Variants in EYA1 observed in about 807,000 individuals in gnomAD.
EYA1 encodes the protein protein phosphatase EYA1.
A neutral mutation model predicts 82.0 loss-of-function variants in EYA1; 16 were observed. The observed-to-expected ratio is 0.20, with a 90% CI of 0.13 to 0.30. EYA1 has a LOEUF of 0.30. EYA1 is among the 10% of genes least tolerant of loss of function. The pLI is 1.00. For missense variants in EYA1, 633 were observed against 730.7 expected, an observed-to-expected ratio of 0.87 and a Z score of 1.54; for synonymous variants, 261 against 264.4, an observed-to-expected ratio of 0.99 and a Z score of 0.12.
intron 3 of EYA1, among the ~76,000 whole-genome samples, chr8:71,340,400 T>G (rs1206442606): frequency 6.6e-6 from 1 of 152,202 alleles, no homozygotes; most frequent in Non-Finnish European, 1.5e-5. Flanking sequence ...TTATCCCCAT[T>G]TATAGATAAA....
intron 2 of EYA1, among the ~76,000 whole-genome samples, chr8:71,369,888 TTAA>T (rs1827982828): frequency 6.6e-6 from 1 of 152,124 alleles, no homozygotes; most frequent in Non-Finnish European, 1.5e-5. Flanking sequence ...TATAGGAACA[TTAA>T]TTTTATTTTA....
In EYA1 at chr8:71,321,775, G is replaced by T. The variant is rs375521116; in HGVS notation, c.377C>A (p.Thr126Lys). The T allele has an allele frequency of 1.9e-6, 3 of 1,614,122 alleles. No homozygotes were observed. Among genetic ancestry groups the T allele is most frequent in the Admixed American group, 3.3e-5 (2 of 60,006 alleles). The change falls in exon 6 of 18, where the codon ACG (threonine) becomes AAG (lysine). Residue 126 changes from threonine (T) to lysine (K), a missense_variant. Coordinates refer to ENST00000340726, the MANE Select transcript of EYA1 (RefSeq NM_000503.6). ...TGMQQATAYATYPQPGQPYGI... is the reference protein window; with the variant it reads ...TGMQQATAYAKYPQPGQPYGI... Reference sequence around the variant, plus strand: ...GTACGGCTGTCCTGGCTGTGGGTACGTGGCATAGGCTGTAGCTTGTTGCAT... The same window carrying T: ...GTACGGCTGTCCTGGCTGTGGGTACTTGGCATAGGCTGTAGCTTGTTGCAT...
intron 12 of EYA1, among the ~76,000 whole-genome samples, chr8:71,222,190 G>A (rs901668702): frequency 2.0e-5 from 3 of 152,110 alleles, no homozygotes; most frequent in African/African-American, 4.8e-5. Flanking sequence ...TAAGAATTGA[G>A]GTTGCTGCAG....
At chr8:71,352,052 T>C (rs542327223) in intron 3 of EYA1, among the ~76,000 whole-genome samples, 43 of 152,280 alleles carry the variant, frequency 2.8e-4, no homozygotes, top group Admixed American at 2.4e-3. Context: ...AAAATGTTCA[T>C]TGTAGAGTTA....
chr8:71,273,990 A>C (rs560940007), intron 9 of EYA1, among the ~76,000 whole-genome samples: 3 of 152,110 alleles, frequency 2.0e-5, no homozygotes, highest in Admixed American at 2.0e-4. Flanking sequence ...CACTTTAAAA[A>C]CTCAATCTTT....
At chr8:71,281,201 T>G (rs1226053486) in intron 9 of EYA1, among the ~76,000 whole-genome samples, 1 of 152,232 alleles carries the variant, frequency 6.6e-6, no homozygotes, top group Non-Finnish European at 1.5e-5. Flanking sequence ...TTTGCAGTTT[T>G]GGGAATGAAT....
At chr8:71,435,234 G>A (rs1184350930) in intron 2 of EYA1, among the ~76,000 whole-genome samples, 1 of 151,820 alleles carries the variant, frequency 6.6e-6, no homozygotes, top group African/African-American at 2.4e-5. Flanking sequence ...GCTGCCCCGT[G>A]GAATCTCTTA....
chr8:71,476,867 A>G (rs1410465138), intron 2 of EYA1, among the ~76,000 whole-genome samples: 1 of 152,166 alleles, frequency 6.6e-6, no homozygotes, highest in African/African-American at 2.4e-5. Flanking sequence ...TTGTACTGGC[A>G]GAAAAATAGA....
At chr8:71,427,816 T>C (rs1805338813) in intron 2 of EYA1, among the ~76,000 whole-genome samples, 1 of 151,980 alleles carries the variant, frequency 6.6e-6, no homozygotes, top group African/African-American at 2.4e-5. Flanking sequence ...GTCTAGGAGT[T>C]CAAGACTATC....
chr8:71,417,110 T>C (rs754126026), intron 2 of EYA1, among the ~76,000 whole-genome samples: 5 of 152,200 alleles, frequency 3.3e-5, no homozygotes, highest in Non-Finnish European at 5.9e-5. Context: ...AATATCGGAC[T>C]CCAGATTCTT....
intron 12 of EYA1, among the ~76,000 whole-genome samples, chr8:71,238,176 A>G (rs1812069429): frequency 6.6e-6 from 1 of 152,118 alleles, no homozygotes. Context: ...TGAATAATCT[A>G]TTACTTCACT....
At chr8:71,240,348 G>T (rs1812333307) in intron 12 of EYA1, among the ~76,000 whole-genome samples, 1 of 151,838 alleles carries the variant, frequency 6.6e-6, no homozygotes, top group South Asian at 2.1e-4. Context: ...CGGGCTAGGA[G>T]TCTACATATT....
intron 2 of EYA1, among the ~76,000 whole-genome samples, chr8:71,459,186 C>A (rs1000728870): frequency 6.6e-6 from 1 of 152,162 alleles, no homozygotes; most frequent in East Asian, 1.9e-4. Flanking sequence ...ATGGCATGCC[C>A]CTTGGTGCCA....
chr8:71,371,149 T>C (rs1035487543), intron 2 of EYA1, among the ~76,000 whole-genome samples: 3 of 152,156 alleles, frequency 2.0e-5, no homozygotes, highest in African/African-American at 7.2e-5. Flanking sequence ...GAGGATTGGG[T>C]ACAAGTCAGT....
intron 2 of EYA1, among the ~76,000 whole-genome samples, chr8:71,390,658 A>C (rs943851626): frequency 2.6e-5 from 4 of 152,216 alleles, no homozygotes; most frequent in African/African-American, 9.6e-5. Context: ...TTTTAAAACT[A>C]TAGGAATTAT....
chr8:71,392,960 CTTAA>C (rs1191760995), intron 2 of EYA1, among the ~76,000 whole-genome samples: 1 of 151,906 alleles, frequency 6.6e-6, no homozygotes, highest in Non-Finnish European at 1.5e-5. Context: ...TTTATGTTTT[CTTAA>C]TTAATAGCGG....
At chr8:71,491,315 T>C (rs1210696378) in intron 2 of EYA1, among the ~76,000 whole-genome samples, 2 of 152,182 alleles carry the variant, frequency 1.3e-5, no homozygotes, top group East Asian at 3.9e-4. Context: ...ACTCTGTAGT[T>C]ACGTGCAGGG....
upstream of EYA1, among the ~76,000 whole-genome samples, chr8:71,364,929 A>G (rs1426643549): frequency 6.5e-5 from 9 of 137,988 alleles, no homozygotes; most frequent in Admixed American, 6.8e-4. Context: ...ATCAAAAAAA[A>G]AGCAAATGTC....
chr8:71,384,826 G>A (rs1198259421), intron 2 of EYA1, among the ~76,000 whole-genome samples: 1 of 152,022 alleles, frequency 6.6e-6, no homozygotes, highest in Admixed American at 6.6e-5. Context: ...TCTTACTCTT[G>A]AATCCAAGTT....
Sources: gnomAD v4.1 joint callset for allele counts (sites outside exome capture counted in the v4.1 genomes callset) on GRCh38, gnomAD v4.1.1 for gene constraint, MANE v1.5 for transcripts, NCBI Gene and HGNC (gene_info 2026-07-23, HGNC 2026-07-21) for gene names.